The following SAFB2 variants were observed in gnomAD, a reference collection of about 807,000 sequenced individuals.
SAFB2 encodes the protein scaffold attachment factor B2.
Under a neutral mutation model 100.6 loss-of-function variants are expected in SAFB2, and 32 were observed. The ratio of observed to expected loss-of-function variants is 0.32; its 90% confidence interval spans 0.24 to 0.43. SAFB2 has a LOEUF of 0.43. Ranked by LOEUF, SAFB2 falls within the 20% of genes least tolerant of loss-of-function variation. The pLI is 1.00. For synonymous variants in SAFB2, 500 were observed against 439.4 expected, an observed-to-expected ratio of 1.14 and a Z score of -1.72; for missense variants, 1,185 against 1,163.4, an observed-to-expected ratio of 1.02 and a Z score of -0.27.
At chr19:5,621,264 T>G in intron 2 of SAFB2, 45 bp downstream of exon 2, 1 of 1,297,492 alleles carries the variant, frequency 7.7e-7, no homozygotes, top group Non-Finnish European at 1.1e-6. Flanking sequence ...ACCATTTCTC[T>G]AAATTCTCTG....
At chr19:5,602,853 C>A (rs1327192387) in intron 11 of SAFB2, among the ~76,000 whole-genome samples, 1 of 152,108 alleles carries the variant, frequency 6.6e-6, no homozygotes, top group Non-Finnish European at 1.5e-5. Flanking sequence ...TTTTTCTTAG[C>A]AATGCTGATG....
chr19:5,604,456 T>A, intron 11 of SAFB2, 127 bp downstream of exon 11: 5 of 646,142 alleles, frequency 7.7e-6, no homozygotes, highest in Non-Finnish European at 1.4e-5. Flanking sequence ...CAGCTGAGAC[T>A]CCAGCAGGAA....
intron 18 of SAFB2, among the ~76,000 whole-genome samples, chr19:5,588,341 T>G (rs192511634): frequency 6.6e-6 from 1 of 152,084 alleles, no homozygotes; most frequent in Non-Finnish European, 1.5e-5. Context: ...GTGGAAAAGT[T>G]TGGTGGTTCT....
chr19:5,595,495 G>A lies in SAFB2; in HGVS notation c.1785C>T (p.Ser595=). The change falls in exon 14 of 21, where the codon AGC becomes AGT. Residue 595 remains serine (S), a splice_region_variant and synonymous_variant. Coordinates refer to ENST00000252542, the MANE Select transcript of SAFB2 (RefSeq NM_014649.3). ...VKTTSRSKER[S]SKSQDRKSES... is the part of the protein sequence containing the mutation. ...CTGACTTGCGATCCTGACTCTTGGAGCTCTGTTTACCAAAACTGGTTTATT... is the reference window on the plus strand; with the variant it reads ...CTGACTTGCGATCCTGACTCTTGGAACTCTGTTTACCAAAACTGGTTTATT... 2 of 1,613,342 alleles carry A rather than the reference G, an allele frequency of 1.2e-6. No individual in the cohort carries two copies. The highest frequency in any genetic ancestry group is 1.7e-6 in the Non-Finnish European group (2 of 1,180,000).
Position 5,611,138 on chromosome 19 carries a change from C to A in SAFB2, c.1127G>T (p.Gly376Val), listed in dbSNP as rs2052900816. The change falls in exon 7 of 21, where the codon GGC (glycine) becomes GTC (valine). Residue 376 changes from glycine (G) to valine (V), a missense_variant. Physicochemically the swap from Gly to Val is moderately radical, Grantham distance 109. Around this residue, in one of 3 missense-constraint regions of SAFB2, gnomAD observed 351 missense variants for 341.2 expected, o/e 1.03. Coordinates refer to ENST00000252542, the MANE Select transcript of SAFB2 (RefSeq NM_014649.3). ...AACAAACCTCATTTTCTGATCAGCG[C>A]CCTCACTGGTTGAGGACTCTTTAGG... is the stretch of plus-strand genomic sequence containing the variant. ...PAPKESSTSE[G>V]ADQKMSSFKE... 1 of 460,988 alleles carries A rather than the reference C, an allele frequency of 2.2e-6. No homozygotes were observed. The highest frequency in any genetic ancestry group is 2.9e-5 in the African/African-American group (1 of 34,074). 28.6% of individuals were successfully genotyped at this position (460,988 alleles called of 1,614,324 possible).
chr19:5,610,553 A>G (rs575217318), intron 8 of SAFB2, 86 bp downstream of exon 8: 1 of 961,968 alleles, frequency 1.0e-6, no homozygotes, highest in Admixed American at 2.7e-5. Flanking sequence ...CAAATTACTG[A>G]ATCCAAAGTG....
In SAFB2 at chr19:5,593,980, G is replaced by A. The variant is rs925306386; in HGVS notation, c.2118C>T (p.His706=). 2 of 1,555,104 alleles carry A rather than the reference G, an allele frequency of 1.3e-6. No individual in the cohort carries two copies. Among genetic ancestry groups the A allele is most frequent in the East Asian group, 4.8e-5 (2 of 41,964 alleles). ...RERRKEQERI[H]REREELRRQQ... ...GGCGCCGCAGCTCCTCGCGCTCGCG[G>A]TGGATGCGCTCCTGCTCCTTCCTGC... is the stretch of plus-strand genomic sequence containing the variant. The change falls in exon 15 of 21, where the codon CAC becomes CAT. Residue 706 remains histidine, a synonymous_variant. Coordinates refer to ENST00000252542, the MANE Select transcript of SAFB2 (RefSeq NM_014649.3).
intron 12 of SAFB2, among the ~76,000 whole-genome samples, chr19:5,599,106 A>G (rs1305134600): frequency 6.6e-6 from 1 of 152,062 alleles, no homozygotes; most frequent in Non-Finnish European, 1.5e-5. Flanking sequence ...AACTAGAGGG[A>G]CCTGTTCCCA....
chr19:5,612,515 A>T (rs1234318104), intron 6 of SAFB2, 25 bp downstream of exon 6: 1 of 1,605,306 alleles, frequency 6.2e-7, no homozygotes, highest in Admixed American at 1.7e-5. Flanking sequence ...TCAAACCATA[A>T]CTGTCGTGTT....
rs766649947 is a variant in SAFB2 at position 5,594,041 on chromosome 19, C to T, written c.2057G>A (p.Arg686Gln). 4.4e-6 allele frequency: 7 copies of T among 1,579,774 alleles called. No homozygotes were observed. The highest frequency in any genetic ancestry group is 6.0e-6 in the Non-Finnish European group (7 of 1,169,178). Reference sequence around the variant, plus strand: ...CACGCGCATGCGCTCGCGCTCCAGCCGCTCCCGCTCCATGCGCTCCCGCTC... The same window carrying T: ...CACGCGCATGCGCTCGCGCTCCAGCTGCTCCCGCTCCATGCGCTCCCGCTC... ...RLERERMERE[R>Q]LERERMRVER... is the part of the protein sequence containing the mutation. The change falls in exon 15 of 21, where the codon CGG becomes CAG. Residue 686 changes from arginine to glutamine, a missense_variant. Physicochemically the swap from Arg to Gln is conservative, Grantham distance 43. Around this residue, in one of 3 missense-constraint regions of SAFB2, gnomAD observed 740 missense variants for 687.1 expected, o/e 1.08. Transcript: ENST00000252542.
rs199534832 is a variant in SAFB2 at position 5,610,105 on chromosome 19, G to A, written c.1196-10C>T. The A allele has an allele frequency of 4.2e-5, 67 of 1,612,818 alleles. No homozygotes were observed. In the East Asian group the frequency reaches 1.5e-3, roughly 36 times the overall value. ...CCGCTGCCGACCCGACCTGGCACGA[G>A]AGGGAGATTCTTAGGCATCACCCCA... On this transcript the variant is annotated splice_polypyrimidine_tract_variant and intron_variant, in intron 8 of 20. Transcript: ENST00000252542.
intron 9 of SAFB2, among the ~76,000 whole-genome samples, chr19:5,608,792 G>T (rs1400422146): frequency 1.3e-5 from 2 of 152,202 alleles, no homozygotes; most frequent in Non-Finnish European, 2.9e-5. Context: ...GCTCACGCCT[G>T]TAATCCCAGC....
chr19:5,621,319 T>G lies in SAFB2; in HGVS notation c.264A>C (p.Arg88Ser). 6.2e-7 allele frequency: 1 copy of G among 1,610,222 alleles called. No homozygotes were observed. The highest frequency in any genetic ancestry group is 8.5e-7 in the Non-Finnish European group (1 of 1,176,466). Residue 88 changes from arginine (R) to serine (S), a missense_variant, in exon 2 of 21, where the codon AGA becomes AGC. Physicochemically the swap from Arg to Ser is moderately radical, Grantham distance 110. Coordinates refer to ENST00000252542, the MANE Select transcript of SAFB2 (RefSeq NM_014649.3). ...GCATATGTACAATACCTTTAACACATCTCTTGGCTGACTTCTTGCTGGTGG... is the reference window on the plus strand; with the variant it reads ...GCATATGTACAATACCTTTAACACAGCTCTTGGCTGACTTCTTGCTGGTGG... ...LEATSKKSAK[R>S]CVKGLKMEEE...
rs760974754 is a variant in SAFB2, at chr19:5,587,953, G to A, written c.2553C>T (p.Asn851=). The A allele has an allele frequency of 6.2e-7, 1 of 1,612,972 alleles. No homozygotes were observed. The highest frequency in any genetic ancestry group is 1.1e-5 in the South Asian group (1 of 91,012). Residue 851 remains asparagine, a synonymous_variant, in exon 19 of 21, where the codon AAC becomes AAT. Transcript: ENST00000252542. The surrounding 1 kb of genome is among the most constrained non-coding windows in gnomAD (Gnocchi z 4.9). The part of the protein sequence containing the change: ...PRGGRDWGEH[N]QRLEEHQARA... ...GTGCCTGGTGCTCCTCTAGCCGCTG[G>A]TTGTGCTCTCCCCAGTCACGGCCAC...
In SAFB2 at chr19:5,590,753, G is replaced by T. The variant is rs528514618; in HGVS notation, c.2395-345C>A. Among the ~76,000 whole-genome samples, 36 of 151,344 alleles carry T rather than the reference G, an allele frequency of 2.4e-4. No individual in the cohort carries two copies. The South Asian group carries it at 7.1e-3, about 30-fold the overall frequency. ...GGCGCCGCCTCCTTTCCGATAACAG[G>T]AGGGCCCTCGGGTGGGTCAGCCCCC... On this transcript the variant is annotated intron_variant, in intron 17 of 20. Transcript: ENST00000252542.
At chr19:5,605,489 A>C (rs1327580505) in intron 9 of SAFB2, among the ~76,000 whole-genome samples, 2 of 152,202 alleles carry the variant, frequency 1.3e-5, no homozygotes, top group Non-Finnish European at 2.9e-5. Context: ...ATTAAACTTC[A>C]TTACTCACAA....
Position 5,604,597 on chromosome 19 carries a change from C to A in SAFB2, c.1545G>T (p.Glu515Asp), listed in dbSNP as rs147906448. The A allele has an allele frequency of 1.6e-4, 260 of 1,613,436 alleles. 1 individual carries two copies. The African/African-American group carries it at 3.3e-3, about 20-fold the overall frequency. ...ATTCACTTTACTTTTCAATTTTGAT[C>A]TCCACAGAATGATGTCTGTCGACAC... ...LSSVDRHHSV[E>D]IKIEKTVIKK... is the part of the protein sequence containing the mutation. Residue 515 changes from glutamate (E) to aspartate (D), a missense_variant, in exon 11 of 21, where the codon GAG becomes GAT. Physicochemically the swap from Glu to Asp is conservative, Grantham distance 45 (BLOSUM62 2). Coordinates refer to ENST00000252542, the MANE Select transcript of SAFB2 (RefSeq NM_014649.3).
intron 2 of SAFB2, among the ~76,000 whole-genome samples, chr19:5,619,197 C>T (rs533469640): frequency 9.8e-5 from 15 of 152,288 alleles, no homozygotes; most frequent in Non-Finnish European, 1.8e-4. Context: ...TGTGCTTTAT[C>T]CATTAGCCAC....
intron 4 of SAFB2, among the ~76,000 whole-genome samples, chr19:5,615,514 C>G (rs2053007484): frequency 6.6e-6 from 1 of 151,348 alleles, no homozygotes. Flanking sequence ...TCAAGATCAA[C>G]CTGGGTAACC....
Sources: allele counts gnomAD v4.1 joint callset (sites outside exome capture counted in the v4.1 genomes callset), GRCh38; gene constraint gnomAD v4.1.1; regional missense constraint gnomAD v4.1.1; non-coding constraint Gnocchi (gnomAD v3.1); transcripts MANE v1.5; gene names NCBI Gene and HGNC (gene_info 2026-07-23, HGNC 2026-07-21).